NRXN3: variants seen among roughly 807,000 people sequenced by gnomAD.
NRXN3 encodes the protein neurexin 3.
Under a neutral mutation model 137.6 loss-of-function variants are expected in NRXN3, and 32 were observed. The ratio of observed to expected loss-of-function variants is 0.23; its 90% confidence interval spans 0.18 to 0.31. The LOEUF is 0.31. Among genes scored for constraint, NRXN3 ranks in the 10% least tolerant of loss-of-function variants. The pLI is 1.00. For synonymous variants in NRXN3, 798 were observed against 784.5 expected, an observed-to-expected ratio of 1.02 and a Z score of -0.29; for missense variants, 1,574 against 2,062.5, an observed-to-expected ratio of 0.76 and a Z score of 4.59.
rs1480834189 is a variant in NRXN3 at position 79,185,711 on chromosome 14, C to T, written c.3262+197570C>T. On this transcript the variant is annotated intron_variant, in intron 15 of 20. Coordinates refer to ENST00000335750, the MANE Select transcript of NRXN3 (RefSeq NM_001330195.2). ...CGATCTCCTGACCTCGTGATCCGCC[C>T]ACCTTGGCCTCCCAAAATGCTGGGA... Among the ~76,000 whole-genome samples the T allele has an allele frequency of 2.0e-5, 3 of 152,112 alleles. No homozygotes were observed. The East Asian group carries it at 5.8e-4, about 29-fold the overall frequency.
At chr14:78,418,394 T>C (rs1351397422) in intron 4 of NRXN3, among the ~76,000 whole-genome samples, 4 of 152,114 alleles carry the variant, frequency 2.6e-5, no homozygotes, top group Admixed American at 6.5e-5. Context: ...CCCTTAGAAA[T>C]AAGGAATCTT....
chr14:79,428,937 T>G (rs1014236458), intron 15 of NRXN3, among the ~76,000 whole-genome samples: 2 of 152,192 alleles, frequency 1.3e-5, no homozygotes, highest in Non-Finnish European at 2.9e-5. Flanking sequence ...TCAATTAATT[T>G]TTACTTTTTA....
intron 4 of NRXN3, among the ~76,000 whole-genome samples, chr14:78,594,230 G>A (rs375530851): frequency 1.3e-5 from 2 of 152,164 alleles, no homozygotes; most frequent in Non-Finnish European, 2.9e-5. Context: ...GTGCCTCCTC[G>A]GCAAGCCTGA....
At chr14:79,178,172 G>A (rs1248694324) in intron 15 of NRXN3, among the ~76,000 whole-genome samples, 5 of 152,182 alleles carry the variant, frequency 3.3e-5, no homozygotes, top group South Asian at 2.1e-4. Context: ...GGGTTGGGCA[G>A]CCTGAGTTGC....
intron 17 of NRXN3, among the ~76,000 whole-genome samples, chr14:79,674,694 T>G (rs957250709): frequency 2.6e-5 from 4 of 152,032 alleles, no homozygotes; most frequent in African/African-American, 9.7e-5. Flanking sequence ...TGTACTATTA[T>G]TTCCTACATC....
At position 78,243,162 on chromosome 14, in the gene NRXN3, G is replaced by C. The variant is rs761111319; in HGVS notation, c.69G>C (p.Gly23=). 43 of 1,545,404 alleles carry C rather than the reference G, an allele frequency of 2.8e-5. No homozygotes were observed. The Middle Eastern group carries it at 1.0e-3, about 36-fold the overall frequency. Residue 23 remains glycine, a synonymous_variant, in exon 2 of 21, where the codon GGG becomes GGC. Transcript: ENST00000335750. This position sits in a 1 kb window ranked among gnomAD's most constrained non-coding sequence, Gnocchi z 4.2. ...GCATCCTGCTGGGGTCCCTGCTGGG[G>C]CTCTGCCTGGGCCTTGAGTTCATGG... The part of the protein sequence containing the change: ...KVSILLGSLL[G]LCLGLEFMGL...
chr14:78,439,095 G>T (rs773476187), intron 4 of NRXN3, among the ~76,000 whole-genome samples: 2 of 152,116 alleles, frequency 1.3e-5, no homozygotes, highest in Non-Finnish European at 2.9e-5. Context: ...TTGTTTGTAG[G>T]ATAAGTGGGG....
rs549512472 is a variant in NRXN3, at chr14:79,072,906, G to A, written c.3262+84765G>A. Among the ~76,000 whole-genome samples, 4 of 141,548 alleles carry A rather than the reference G, an allele frequency of 2.8e-5. No individual in the cohort carries two copies. In the East Asian group the frequency reaches 6.1e-4, roughly 22 times the overall value. 92.9% of individuals were successfully genotyped at this position (141,548 alleles called of 152,430 possible). ...TCTCTCTTTTTTTTTTTTTTGAGAC[G>A]GATAGTTTCATTCCTGTCGCCCAGG... On this transcript the variant is annotated intron_variant, in intron 15 of 20. Transcript: ENST00000335750.
rs574827833 is a variant in NRXN3, at chr14:78,302,569, A to G, written c.757+4709A>G. On this transcript the variant is annotated intron_variant, in intron 4 of 20. Transcript: ENST00000335750. Reference sequence around the variant, plus strand: ...TTAAGCCTTCTAGCTACCTCTCTACACTGACCTGTCATAAGTTCCAGCCTA... The same window carrying G: ...TTAAGCCTTCTAGCTACCTCTCTACGCTGACCTGTCATAAGTTCCAGCCTA... 5.9e-5 allele frequency among the ~76,000 whole-genome samples: 9 copies of G among 152,122 alleles called. No individual in the cohort carries two copies. The South Asian group carries it at 1.0e-3, about 18-fold the overall frequency.
chr14:79,042,868 A>G (rs977359778), intron 15 of NRXN3, among the ~76,000 whole-genome samples: 1 of 152,026 alleles, frequency 6.6e-6, no homozygotes, highest in African/African-American at 2.4e-5. Context: ...CACAAGAGAA[A>G]CCAATCAAAA....
intron 15 of NRXN3, among the ~76,000 whole-genome samples, chr14:79,104,055 A>G (rs140566618): frequency 1.7e-3 from 265 of 152,306 alleles, no homozygotes; most frequent in Middle Eastern, 3.4e-3. Context: ...CATTTCATCC[A>G]GTAATTCCAA....
intron 10 of NRXN3, among the ~76,000 whole-genome samples, chr14:78,941,289 T>A (rs1215530340): frequency 6.6e-6 from 1 of 152,158 alleles, no homozygotes; most frequent in African/African-American, 2.4e-5. Context: ...TACAAGCTTA[T>A]CCCAGTCAAT....
At chr14:78,734,325 TGAAAA>T (rs1271012277) in intron 8 of NRXN3, among the ~76,000 whole-genome samples, 10 of 151,912 alleles carry the variant, frequency 6.6e-5, no homozygotes, top group Admixed American at 1.3e-4. Context: ...GGATGCAAGA[TGAAAA>T]GAAAGTCATT....
chr14:78,171,014 G>T (rs1169918748), intron 1 of NRXN3, among the ~76,000 whole-genome samples: 3 of 131,148 alleles, frequency 2.3e-5, no homozygotes, highest in Non-Finnish European at 4.7e-5. Flanking sequence ...CTGAAATGAT[G>T]TGTGCTCATC....
chr14:79,509,334 T>C (rs2096909682), intron 16 of NRXN3, among the ~76,000 whole-genome samples: 1 of 152,098 alleles, frequency 6.6e-6, no homozygotes, highest in Admixed American at 6.6e-5. Flanking sequence ...GGTGAAACCA[T>C]GTCTCTACTA....
At chr14:79,188,941 A>G (rs532108106) in intron 15 of NRXN3, among the ~76,000 whole-genome samples, 1 of 152,156 alleles carries the variant, frequency 6.6e-6, no homozygotes. Flanking sequence ...TGTCGGTGGG[A>G]CTGTAAACTA....
At position 78,793,513 on chromosome 14, in the gene NRXN3, C is replaced by T. The variant is rs2098811756; in HGVS notation, c.2045-10107C>T. Among the ~76,000 whole-genome samples the T allele has an allele frequency of 2.0e-5, 3 of 152,064 alleles. No individual in the cohort carries two copies. In the South Asian group the frequency reaches 6.2e-4, roughly 32 times the overall value. Reference sequence around the variant, plus strand: ...GAGTAAAATCAGCAATGGAAAAAGGCGCATGGGGGCAAAGTCTGGAGGAAA... The same window carrying T: ...GAGTAAAATCAGCAATGGAAAAAGGTGCATGGGGGCAAAGTCTGGAGGAAA... On this transcript the variant is annotated intron_variant, in intron 8 of 20. Coordinates refer to ENST00000335750, the MANE Select transcript of NRXN3 (RefSeq NM_001330195.2).
chr14:78,651,459 C>T, intron 6 of NRXN3, 133 bp downstream of exon 6: 2 of 1,074,466 alleles, frequency 1.9e-6, no homozygotes, highest in Non-Finnish European at 2.6e-6. Context: ...CAACCTTGAA[C>T]TTGGAAGTAG....
intron 15 of NRXN3, among the ~76,000 whole-genome samples, chr14:79,392,941 G>A (rs1275316023): frequency 1.4e-5 from 2 of 139,688 alleles, no homozygotes; most frequent in Non-Finnish European, 3.0e-5. Flanking sequence ...CTGCACTCTA[G>A]GCTGGGTGAC....
Sources: allele counts gnomAD v4.1 joint callset (sites outside exome capture counted in the v4.1 genomes callset), GRCh38; gene constraint gnomAD v4.1.1; non-coding constraint Gnocchi (gnomAD v3.1); transcripts MANE v1.5; gene names NCBI Gene and HGNC (gene_info 2026-07-23, HGNC 2026-07-21).